The following EPRS1 variants were observed in gnomAD, a reference collection of about 807,000 sequenced individuals.
The protein encoded by EPRS1 is glutamyl-prolyl-tRNA synthetase 1, also known as bifunctional glutamate/proline--tRNA ligase.
A neutral mutation model predicts 188.3 loss-of-function variants in EPRS1; 107 were observed. The ratio of observed to expected loss-of-function variants is 0.57; its 90% CI spans 0.49 to 0.67. The LOEUF is 0.67. Among genes scored for constraint, EPRS1 ranks in the 30% least tolerant of loss-of-function variants. EPRS1 has a pLI of 0.00. For synonymous variants in EPRS1, 596 were observed against 593.1 expected, an observed-to-expected ratio of 1.00 and a Z score of -0.07; for missense variants, 1,577 against 1,802.2, an observed-to-expected ratio of 0.88 and a Z score of 2.26.
chr1:220,007,243 T>G lies in EPRS1; in HGVS notation c.1701A>C (p.Thr567=). 1 of 1,613,960 alleles carries G rather than the reference T, an allele frequency of 6.2e-7. No homozygotes were observed. The highest frequency in any genetic ancestry group is 1.3e-5 in the African/African-American group (1 of 75,052). The change falls in exon 14 of 32, where the codon ACA becomes ACC. Residue 567 remains threonine (T), a synonymous_variant. Coordinates refer to ENST00000366923, the MANE Select transcript of EPRS1 (RefSeq NM_004446.3). ...TGTTGAGGTTGCCCCAATTTATAAA[T>G]GTAACCATCTCACCCTCCGAAAAAG... The part of the protein sequence containing the change: ...AETFSEGEMV[T]FINWGNLNIT...
At chr1:220,011,603 T>C (rs1214262305) in intron 12 of EPRS1, among the ~76,000 whole-genome samples, 1 of 152,254 alleles carries the variant, frequency 6.6e-6, no homozygotes, top group Non-Finnish European at 1.5e-5. Context: ...ACATGCTATA[T>C]GTAGAGGCCA....
intron 16 of EPRS1, among the ~76,000 whole-genome samples, chr1:220,004,146 C>T (rs1429737309): frequency 6.6e-6 from 1 of 152,120 alleles, no homozygotes; most frequent in Non-Finnish European, 1.5e-5. Context: ...TGCCGCCTCA[C>T]CTGCTTGAGC....
chr1:220,044,711 A>T (rs2647444), intron 1 of EPRS1, among the ~76,000 whole-genome samples: 72,295 of 124,262 alleles, frequency 0.58, 21,706 homozygotes, highest in Non-Finnish European at 0.71. Flanking sequence ...AAAAAAAAAA[A>T]AACAGTATCA....
At position 219,982,748 on chromosome 1, in the gene EPRS1, T is replaced by C. The variant is rs2647462; in HGVS notation, c.3373+24A>G. On this transcript the variant is annotated intron_variant, in intron 23 of 31. Transcript: ENST00000366923. ...TCTCTAACGTTCAGTGAGCATTCTC[T>C]TGCACTCCAATGCCTATTCTCACCT... The C allele has an allele frequency of 0.83, 1,320,966 of 1,600,732 alleles. 545,811 individuals are homozygous for C. The highest frequency in any genetic ancestry group is 0.9 in the East Asian group (40,360 of 44,788).
chr1:220,022,851 C>T (rs559318772), intron 8 of EPRS1, among the ~76,000 whole-genome samples: 5 of 152,346 alleles, frequency 3.3e-5, no homozygotes, highest in South Asian at 4.1e-4. Flanking sequence ...CATGGCACAA[C>T]GGGCCAGCCC....
intron 19 of EPRS1, 87 bp from the exon 20 acceptor site, chr1:219,987,491 A>G: frequency 8.5e-6 from 10 of 1,182,654 alleles, no homozygotes; most frequent in Non-Finnish European, 1.2e-5. Context: ...CAATGCTCAA[A>G]GCTTTCTTTT....
At chr1:220,044,347 T>A (rs989750501) in intron 1 of EPRS1, among the ~76,000 whole-genome samples, 2 of 152,052 alleles carry the variant, frequency 1.3e-5, no homozygotes, top group African/African-American at 4.8e-5. Flanking sequence ...TGACAAGAGT[T>A]TCACAGAATA....
chr1:220,011,167 C>CTAATT (rs1304917602), intron 12 of EPRS1, 111 bp from the exon 13 acceptor site: 3 of 601,102 alleles, frequency 5.0e-6, no homozygotes, highest in Non-Finnish European at 8.8e-6. Flanking sequence ...ACTGCATTTA[C>CTAATT]TAATTTTTTT....
chr1:219,978,825 G>A, intron 27 of EPRS1, 106 bp from the exon 28 acceptor site: 1 of 764,202 alleles, frequency 1.3e-6, no homozygotes. Context: ...ACACGAATCA[G>A]CTGTGTGATT....
At chr1:220,015,799 A>T (rs984725916) in intron 12 of EPRS1, among the ~76,000 whole-genome samples, 204 of 152,136 alleles carry the variant, frequency 1.3e-3, no homozygotes, top group Admixed American at 3.7e-3. Context: ...TAATATAAAA[A>T]AAAAAAAAAG....
At chr1:220,006,429 A>C (rs998580141) in intron 14 of EPRS1, 116 bp from the exon 15 acceptor site, 3 of 315,886 alleles carry the variant, frequency 9.5e-6, no homozygotes, top group African/African-American at 6.5e-5. Flanking sequence ...TTTATTTTGT[A>C]ATAAATGGAT....
intron 18 of EPRS1, among the ~76,000 whole-genome samples, chr1:219,991,424 T>C (rs1212119965): frequency 1.3e-5 from 2 of 152,176 alleles, no homozygotes; most frequent in Non-Finnish European, 2.9e-5. Flanking sequence ...TCTACACACG[T>C]TGGTAATGAT....
chr1:219,971,117 G>C (rs2102557625), intron 30 of EPRS1, among the ~76,000 whole-genome samples: 1 of 152,210 alleles, frequency 6.6e-6, no homozygotes, highest in East Asian at 1.9e-4. Context: ...AGTCAGAAGA[G>C]TGATCTAAAT....
At chr1:220,032,706 T>C (rs1662109958) in intron 4 of EPRS1, among the ~76,000 whole-genome samples, 180 bp from the exon 5 acceptor site, 1 of 152,180 alleles carries the variant, frequency 6.6e-6, no homozygotes, top group African/African-American at 2.4e-5. Flanking sequence ...TCTGTGTCCA[T>C]GGGTTCCATA....
At chr1:219,973,774 A>G (rs1360611937) in intron 28 of EPRS1, among the ~76,000 whole-genome samples, 1 of 152,082 alleles carries the variant, frequency 6.6e-6, no homozygotes, top group African/African-American at 2.4e-5. Flanking sequence ...AACATGACAC[A>G]TTTTTGACTC....
intron 10 of EPRS1, 120 bp from the exon 11 acceptor site, chr1:220,019,199 G>A: frequency 1.4e-6 from 1 of 699,544 alleles, no homozygotes; most frequent in Admixed American, 2.3e-5. Context: ...CTAAGAGCTA[G>A]TTATACTAAT....
intron 2 of EPRS1, among the ~76,000 whole-genome samples, chr1:220,035,743 C>T (rs1337809730): frequency 6.6e-6 from 1 of 151,662 alleles, no homozygotes; most frequent in Admixed American, 6.6e-5. Context: ...GCACAAGAAT[C>T]GCTTGAACTC....
At position 220,042,237 on chromosome 1, in the gene EPRS1, C is replaced by T. The variant is rs532223247; in HGVS notation, c.47-1968G>A. On this transcript the variant is annotated intron_variant, in intron 1 of 31. Coordinates refer to ENST00000366923, the MANE Select transcript of EPRS1 (RefSeq NM_004446.3). Reference sequence around the variant, plus strand: ...ATGGCTCATACCTGTAATCCTAGTACTTTGGGAGACTGAGGCAGGCGGATT... The same window carrying T: ...ATGGCTCATACCTGTAATCCTAGTATTTTGGGAGACTGAGGCAGGCGGATT... 2.0e-3 allele frequency among the ~76,000 whole-genome samples: 298 copies of T among 149,246 alleles called. 1 individual carries two copies. The highest frequency in any genetic ancestry group is 3.6e-3 in the Non-Finnish European group (241 of 67,522).
intron 18 of EPRS1, among the ~76,000 whole-genome samples, chr1:219,989,936 A>G (rs1768668): frequency 0.6 from 91,295 of 151,664 alleles, 28,514 homozygotes; most frequent in Non-Finnish European, 0.7. Flanking sequence ...TTAATCAGAC[A>G]TATGAGAATC....
Sources: allele counts gnomAD v4.1 joint callset (sites outside exome capture counted in the v4.1 genomes callset), GRCh38; gene constraint gnomAD v4.1.1; transcripts MANE v1.5; gene names NCBI Gene and HGNC (gene_info 2026-07-23, HGNC 2026-07-21).